Variants in LIX1 observed in about 807,000 individuals in gnomAD.
The protein encoded by LIX1 is limb and CNS expressed 1.
A neutral mutation model predicts 33.4 loss-of-function variants in LIX1; 24 were observed. The observed-to-expected ratio is 0.72, with a 90% CI of 0.52 to 1.01. The LOEUF (loss-of-function observed/expected upper bound fraction) is 1.01, where lower values mean the gene tolerates loss of function less well. Among genes scored for constraint, LIX1 ranks in the 50% least tolerant of loss-of-function variants. The pLI is 0.00. For missense variants in LIX1, 311 were observed against 339.2 expected (o/e 0.92, Z 0.65); for synonymous variants, 124 against 124.0 (o/e 1.00, Z 0.00).
At chr5:97,136,493 T>C (rs316178) in intron 1 of LIX1, among the ~76,000 whole-genome samples, 78,767 of 152,066 alleles carry the variant, frequency 0.52, 22,456 homozygotes, top group African/African-American at 0.78. Context: ...AGGTGTGTGT[T>C]CCTGTGGGAG....
At position 97,097,938 on chromosome 5, in the gene LIX1, G is replaced by A. The variant is rs565846084; in HGVS notation, c.484-1051C>T. Among the ~76,000 whole-genome samples, 5 of 152,310 alleles carry A rather than the reference G, an allele frequency of 3.3e-5. No individual in the cohort carries two copies. In the East Asian group the frequency reaches 9.6e-4, roughly 29 times the overall value. ...CTCTGCTTTAATCTTTACAAGAGAA[G>A]TAACTATGAAATGACCAATCCATTT... On this transcript the variant is annotated intron_variant, in intron 4 of 5. Coordinates refer to ENST00000274382, the MANE Select transcript of LIX1 (RefSeq NM_153234.5).
At chr5:97,123,784 G>A (rs1561501374) in intron 2 of LIX1, among the ~76,000 whole-genome samples, 1 of 152,124 alleles carries the variant, frequency 6.6e-6, no homozygotes, top group Non-Finnish European at 1.5e-5. Context: ...TAACCCTTAT[G>A]CTTCCCTAAT....
intron 2 of LIX1, among the ~76,000 whole-genome samples, chr5:97,116,603 A>G (rs1008316607): frequency 1.3e-5 from 2 of 152,156 alleles, no homozygotes; most frequent in African/African-American, 2.4e-5. Context: ...TTCTACACAC[A>G]TACCTAGACC....
At chr5:97,105,322 T>C in intron 3 of LIX1, 37 bp from the exon 4 acceptor site, 1 of 1,542,294 alleles carries the variant, frequency 6.5e-7, no homozygotes, top group Non-Finnish European at 9.0e-7. Context: ...AATTACTGAT[T>C]TTTCCTCCTC....
At chr5:97,119,219 A>C (rs907440451) in intron 2 of LIX1, among the ~76,000 whole-genome samples, 1 of 152,186 alleles carries the variant, frequency 6.6e-6, no homozygotes, top group Non-Finnish European at 1.5e-5. Context: ...TACTGCTGGC[A>C]TAATGGTTTC....
At chr5:97,124,074 A>G (rs1263060428) in intron 2 of LIX1, among the ~76,000 whole-genome samples, 1 of 152,220 alleles carries the variant, frequency 6.6e-6, no homozygotes, top group Non-Finnish European at 1.5e-5. Flanking sequence ...GTTAAAATAT[A>G]AATAGTATCA....
rs114472087 is a variant in LIX1, at chr5:97,103,410, C to T, written c.483+1780G>A. On this transcript the variant is annotated intron_variant, in intron 4 of 5. Transcript: ENST00000274382. ...ACCCCATGCACTCTTCTGGACTCTA[C>T]GCATATCATCCCATTTAATCCTCAC... is the stretch of plus-strand genomic sequence containing the variant. 2.3e-3 allele frequency among the ~76,000 whole-genome samples: 350 copies of T among 152,288 alleles called. 1 individual carries two copies. The highest frequency in any genetic ancestry group is 8.1e-3 in the African/African-American group (338 of 41,544).
chr5:97,120,332 T>G (rs1367118026), intron 2 of LIX1, among the ~76,000 whole-genome samples: 1 of 152,228 alleles, frequency 6.6e-6, no homozygotes, highest in African/African-American at 2.4e-5. Flanking sequence ...ATTAGGCACT[T>G]TATGCACTGT....
chr5:97,125,430 GC>G (rs1439009012), intron 1 of LIX1, among the ~76,000 whole-genome samples: 1 of 152,222 alleles, frequency 6.6e-6, no homozygotes, highest in Non-Finnish European at 1.5e-5. Context: ...GCAAAGCCCT[GC>G]CTAATGCAGG....
intron 1 of LIX1, among the ~76,000 whole-genome samples, chr5:97,125,586 CT>C (rs1235140328): frequency 6.6e-6 from 1 of 152,244 alleles, no homozygotes; most frequent in Non-Finnish European, 1.5e-5. Context: ...GAACTGAAAT[CT>C]GCTTTCCTGT....
chr5:97,131,880 G>A (rs1307007527), intron 1 of LIX1, among the ~76,000 whole-genome samples: 1 of 152,220 alleles, frequency 6.6e-6, no homozygotes, highest in Admixed American at 6.5e-5. Context: ...TGTATTGGTG[G>A]CAACCATGTC....
Position 97,094,955 on chromosome 5 carries a change from C to T in LIX1, c.642G>A (p.Glu214=). ...GAGAGACAATTCCTGGTGAGTCCCG[C>T]TCCTTCATGATCCAGTCCAGGGCCA... ...SHMALDWIMK[E]RDSPGIVSQE... is the part of the protein sequence containing the mutation. Residue 214 remains glutamate, a synonymous_variant, in exon 6 of 6, where the codon GAG becomes GAA. Coordinates refer to ENST00000274382, the MANE Select transcript of LIX1 (RefSeq NM_153234.5). The T allele has an allele frequency of 1.2e-6, 2 of 1,614,168 alleles. No homozygotes were observed. Among genetic ancestry groups the T allele is most frequent in the Non-Finnish European group, 1.7e-6 (2 of 1,180,034 alleles).
intron 5 of LIX1, among the ~76,000 whole-genome samples, chr5:97,096,317 T>TG (rs140532763): frequency 0.013 from 2,048 of 152,162 alleles, 37 homozygotes; most frequent in African/African-American, 0.047. Flanking sequence ...AAAATGGGAG[T>TG]GATTAAATGC....
intron 1 of LIX1, among the ~76,000 whole-genome samples, chr5:97,134,144 G>A (rs905430732): frequency 2.9e-4 from 44 of 152,264 alleles, no homozygotes; most frequent in African/African-American, 1.0e-3. Context: ...TTTTGAGATG[G>A]AGTTTTACTT....
intron 1 of LIX1, 115 bp from the exon 2 acceptor site, chr5:97,124,744 C>T: frequency 1.3e-6 from 1 of 753,612 alleles, no homozygotes; most frequent in Non-Finnish European, 2.1e-6. Flanking sequence ...TTAAGTAGAG[C>T]TGGGTATGTG....
intron 1 of LIX1, among the ~76,000 whole-genome samples, chr5:97,131,980 C>A (rs1748065475): frequency 6.6e-6 from 1 of 152,194 alleles, no homozygotes; most frequent in South Asian, 2.1e-4. Context: ...TTGGGTTGTA[C>A]CTTCACAAGA....
At chr5:97,100,869 C>T (rs13167931) in intron 4 of LIX1, among the ~76,000 whole-genome samples, 40,116 of 145,660 alleles carry the variant, frequency 0.28, 6,167 homozygotes, top group African/African-American at 0.44. Context: ...CCAGCCTGGG[C>T]GAAATAGTAA....
chr5:97,109,116 A>G (rs1747225276), intron 2 of LIX1, among the ~76,000 whole-genome samples: 1 of 152,058 alleles, frequency 6.6e-6, no homozygotes, highest in African/African-American at 2.4e-5. Context: ...GAGTGCCCTG[A>G]AGCCAGTTTC....
chr5:97,124,414 C>A, intron 2 of LIX1, 52 bp downstream of exon 2: 1 of 1,500,484 alleles, frequency 6.7e-7, no homozygotes, highest in Non-Finnish European at 9.0e-7. Flanking sequence ...AAAAGGTTTA[C>A]TTTATTTTAG....
Sources: allele counts gnomAD v4.1 joint callset (sites outside exome capture counted in the v4.1 genomes callset), GRCh38; gene constraint gnomAD v4.1.1; transcripts MANE v1.5; gene names NCBI Gene and HGNC (gene_info 2026-07-23, HGNC 2026-07-21).